Variants in SLC24A2 observed in about 807,000 individuals in gnomAD.
SLC24A2 encodes sodium/potassium/calcium exchanger 2.
Under a neutral mutation model 62.0 loss-of-function variants are expected in SLC24A2, and 36 were observed. The ratio of observed to expected loss-of-function variants is 0.58; its 90% confidence interval spans 0.44 to 0.77. The LOEUF is 0.77. Ranked by LOEUF, SLC24A2 falls within the 30% of genes least tolerant of loss-of-function variation. The probability of loss-of-function intolerance (pLI) is 0.00; values close to 1 mark genes in which losing one functional copy is unlikely to be tolerated. For synonymous variants in SLC24A2, 358 were observed against 294.0 expected (o/e 1.22, Z -2.23); for missense variants, 846 against 817.9 (o/e 1.03, Z -0.42).
chr9:19,859,007 CA>C, the SLC24A2 span, among the ~76,000 whole-genome samples: 45 of 152,132 alleles, frequency 3.0e-4, no homozygotes, highest in African/African-American at 1.1e-3. Context: ...GGTATATACA[CA>C]AAGGAATATA....
chr9:19,928,724 A>C, the SLC24A2 span: 1 of 152,210 alleles, frequency 6.6e-6, no homozygotes, highest in Admixed American at 6.5e-5. Flanking sequence ...TTCACATTTT[A>C]CCAGTGAGGA....
chr9:19,823,629 A>AAAAACAAAAC, the SLC24A2 span, among the ~76,000 whole-genome samples: 799 of 150,296 alleles, frequency 5.3e-3, 7 homozygotes, highest in African/African-American at 0.019. Flanking sequence ...CTCAGTCTCA[A>AAAAACAAAAC]AAAACAAAAC....
At chr9:19,581,571 G>A (rs1382251821) in intron 5 of SLC24A2, among the ~76,000 whole-genome samples, 1 of 152,216 alleles carries the variant, frequency 6.6e-6, no homozygotes, top group Non-Finnish European at 1.5e-5. Flanking sequence ...AACAGCAAGT[G>A]CTTAGGAACT....
At chr9:19,800,571 T>C in the SLC24A2 span, among the ~76,000 whole-genome samples, 2 of 152,204 alleles carry the variant, frequency 1.3e-5, no homozygotes, top group Non-Finnish European at 2.9e-5. Context: ...CTGTATGATT[T>C]TGTCTTATTG....
chr9:20,090,347 C>A, the SLC24A2 span, among the ~76,000 whole-genome samples: 1 of 152,274 alleles, frequency 6.6e-6, no homozygotes, highest in Admixed American at 6.5e-5. Flanking sequence ...GCACATAAGC[C>A]CTGAGATCAC....
At chr9:20,005,346 T>G in the SLC24A2 span, among the ~76,000 whole-genome samples, 1 of 152,154 alleles carries the variant, frequency 6.6e-6, no homozygotes, top group Non-Finnish European at 1.5e-5. Context: ...GGAATCAAAA[T>G]AATTAAAAAA....
the SLC24A2 span, among the ~76,000 whole-genome samples, chr9:19,936,710 C>T: frequency 6.6e-6 from 1 of 152,250 alleles, no homozygotes; most frequent in Non-Finnish European, 1.5e-5. Flanking sequence ...AAATATAAAA[C>T]ATTTGGAGGT....
intron 2 of SLC24A2, among the ~76,000 whole-genome samples, chr9:19,719,191 A>G (rs1355057906): frequency 6.6e-6 from 1 of 152,152 alleles, no homozygotes; most frequent in African/African-American, 2.4e-5. Context: ...TAGTCACAAG[A>G]CACTCTTTTC....
At chr9:19,925,475 T>C in the SLC24A2 span, among the ~76,000 whole-genome samples, 3 of 152,224 alleles carry the variant, frequency 2.0e-5, no homozygotes, top group Middle Eastern at 3.2e-3. Flanking sequence ...CTTGTGTATA[T>C]ATGTTTTATT....
chr9:19,715,911 G>A (rs932529158), intron 2 of SLC24A2, among the ~76,000 whole-genome samples: 2 of 152,112 alleles, frequency 1.3e-5, no homozygotes, highest in Non-Finnish European at 2.9e-5. Context: ...CAGTTGTTTT[G>A]AAGTGGGGGA....
the SLC24A2 span, among the ~76,000 whole-genome samples, chr9:19,920,544 ACGCTGAGGGCCAACGTAC>A: frequency 6.6e-6 from 1 of 152,258 alleles, no homozygotes; most frequent in South Asian, 2.1e-4. Context: ...AGCATTGGGT[ACGCTGAGGGCCAACGTAC>A]CGCTATGGGC....
intron 8 of SLC24A2, among the ~76,000 whole-genome samples, chr9:19,529,492 T>A (rs1263543408): frequency 2.0e-5 from 3 of 152,176 alleles, no homozygotes; most frequent in African/African-American, 7.2e-5. Flanking sequence ...TTTCTTTAAA[T>A]GATTGCTGTT....
chr9:19,883,666 A>G, the SLC24A2 span, among the ~76,000 whole-genome samples: 2 of 151,608 alleles, frequency 1.3e-5, no homozygotes, highest in African/African-American at 4.9e-5. Flanking sequence ...CCTGGGTTCA[A>G]GCCATTCTCC....
the SLC24A2 span, among the ~76,000 whole-genome samples, chr9:20,100,341 A>T: frequency 6.6e-6 from 1 of 152,184 alleles, no homozygotes; most frequent in African/African-American, 2.4e-5. Context: ...CATTACAAGC[A>T]TAAGTCCCTA....
chr9:20,132,504 A>G, the SLC24A2 span, among the ~76,000 whole-genome samples: 1 of 152,098 alleles, frequency 6.6e-6, no homozygotes, highest in East Asian at 1.9e-4. Context: ...ACTAGACTAC[A>G]TGGGTCACAT....
At chr9:20,306,565 G>A in the SLC24A2 span, among the ~76,000 whole-genome samples, 49 of 152,222 alleles carry the variant, frequency 3.2e-4, no homozygotes, top group Non-Finnish European at 6.2e-4. Context: ...ACCCTCTGGC[G>A]GGATTACCAG....
the SLC24A2 span, among the ~76,000 whole-genome samples, chr9:20,282,191 G>C: frequency 2.6e-5 from 4 of 152,168 alleles, no homozygotes; most frequent in African/African-American, 9.7e-5. Context: ...TAGCCAATTA[G>C]AGTGCCAACT....
chr9:19,636,305 T>TTTC (rs1818321027), intron 2 of SLC24A2, among the ~76,000 whole-genome samples: 9 of 44,926 alleles, frequency 2.0e-4, no homozygotes, highest in African/African-American at 6.8e-4. Context: ...TTTTCTTTTC[T>TTTC]TTTCTTTTCT....
At chr9:20,233,347 T>C in the SLC24A2 span, among the ~76,000 whole-genome samples, 1 of 152,096 alleles carries the variant, frequency 6.6e-6, no homozygotes, top group African/African-American at 2.4e-5. Flanking sequence ...CCCATTATTA[T>C]TGTGTGGGAG....
Sources: allele counts gnomAD v4.1 joint callset (sites outside exome capture counted in the v4.1 genomes callset), GRCh38; gene constraint gnomAD v4.1.1; transcripts MANE v1.5; gene names NCBI Gene and HGNC (gene_info 2026-07-23, HGNC 2026-07-21).